Variants in KLHL29 observed in about 807,000 individuals in gnomAD.
KLHL29 encodes kelch-like protein 29.
In KLHL29, 21 loss-of-function variants were observed where a neutral mutation model predicts 80.4. That is an observed-to-expected ratio of 0.26 (90% CI 0.19 to 0.38). KLHL29 has a LOEUF of 0.38. KLHL29 is among the 10% of genes least tolerant of loss of function. The pLI is 1.00. For missense variants in KLHL29, 867 were observed against 1,223.9 expected (o/e 0.71, Z 4.35); for synonymous variants, 511 against 526.8 (o/e 0.97, Z 0.41).
At chr2:23,455,009 G>GC (rs35943241) in intron 1 of KLHL29, among the ~76,000 whole-genome samples, 23 of 96,114 alleles carry the variant, frequency 2.4e-4, no homozygotes, top group East Asian at 1.7e-3. Flanking sequence ...GTTGGGGGGG[G>GC]GGCATTTATT....
intron 1 of KLHL29, among the ~76,000 whole-genome samples, chr2:23,434,343 AAAG>A (rs1371052909): frequency 1.3e-5 from 2 of 151,160 alleles, no homozygotes; most frequent in Non-Finnish European, 3.0e-5. Flanking sequence ...AAAAAAAAAA[AAAG>A]CTAGGCTCCG....
intron 1 of KLHL29, among the ~76,000 whole-genome samples, chr2:23,463,005 G>A (rs1664256766): frequency 6.6e-6 from 1 of 150,382 alleles, no homozygotes; most frequent in African/African-American, 2.4e-5. Context: ...TGTTAATTTA[G>A]AAATATTTCC....
At chr2:23,435,176 A>G (rs1663303379) in intron 1 of KLHL29, among the ~76,000 whole-genome samples, 1 of 152,182 alleles carries the variant, frequency 6.6e-6, no homozygotes. Context: ...GACTGGTGCC[A>G]TGGAGACGGG....
At chr2:23,530,644 G>GT (rs758109168) in intron 2 of KLHL29, among the ~76,000 whole-genome samples, 4 of 152,312 alleles carry the variant, frequency 2.6e-5, no homozygotes, top group Non-Finnish European at 4.4e-5. Context: ...TTTCAATGCA[G>GT]TAAGTAGCAA....
At chr2:23,392,408 T>A (rs1362416354) in intron 1 of KLHL29, among the ~76,000 whole-genome samples, 1 of 152,252 alleles carries the variant, frequency 6.6e-6, no homozygotes, top group African/African-American at 2.4e-5. Flanking sequence ...AACTTTTAAT[T>A]CCATCTTTAG....
At position 23,387,545 on chromosome 2, in the gene KLHL29, T is replaced by G. The variant is rs143870296; in HGVS notation, c.-154+1765T>G. Among the ~76,000 whole-genome samples the G allele has an allele frequency of 5.1e-4, 71 of 139,584 alleles. No homozygotes were observed. In the East Asian group the frequency reaches 1.0e-2, roughly 20 times the overall value. 91.6% of individuals were successfully genotyped at this position (139,584 alleles called of 152,430 possible). ...TTATTATTATTATTATTATTATTATTATGGAAAGAAGGTATAGAGCTTTTT... is the reference window on the plus strand; with the variant it reads ...TTATTATTATTATTATTATTATTATGATGGAAAGAAGGTATAGAGCTTTTT... On this transcript the variant is annotated intron_variant, in intron 1 of 13. Transcript: ENST00000486442.
At chr2:23,480,234 C>T (rs1179237212) in intron 2 of KLHL29, among the ~76,000 whole-genome samples, 1 of 152,244 alleles carries the variant, frequency 6.6e-6, no homozygotes, top group African/African-American at 2.4e-5. Flanking sequence ...CGCCTGTAAT[C>T]CCAGCACTTT....
chr2:23,687,652 A>G (rs1050198117), intron 6 of KLHL29, among the ~76,000 whole-genome samples: 3 of 152,064 alleles, frequency 2.0e-5, no homozygotes, highest in Non-Finnish European at 4.4e-5. Context: ...GCTGTGGGGG[A>G]GGGTCATTCA....
chr2:23,425,838 A>G (rs1572502999), intron 1 of KLHL29, among the ~76,000 whole-genome samples: 2 of 152,326 alleles, frequency 1.3e-5, no homozygotes, highest in East Asian at 3.9e-4. Context: ...TGGAAGGACC[A>G]CAGGACAATA....
intron 3 of KLHL29, among the ~76,000 whole-genome samples, chr2:23,598,911 G>T (rs1015555021): frequency 2.6e-5 from 4 of 152,230 alleles, no homozygotes; most frequent in African/African-American, 9.6e-5. Context: ...AAGGCTGGGG[G>T]TAGAGCAGTG....
intron 4 of KLHL29, among the ~76,000 whole-genome samples, chr2:23,641,440 C>T (rs1013369601): frequency 2.6e-5 from 4 of 152,190 alleles, no homozygotes; most frequent in Admixed American, 1.3e-4. Context: ...CGGCCCCGGG[C>T]TCTAGCGCCC....
intron 3 of KLHL29, among the ~76,000 whole-genome samples, chr2:23,636,639 A>T (rs1350919449): frequency 6.6e-6 from 1 of 152,208 alleles, no homozygotes; most frequent in South Asian, 2.1e-4. Flanking sequence ...GGCAGGGCTG[A>T]GTCTTGGTCA....
At chr2:23,622,866 T>G (rs947767275) in intron 3 of KLHL29, among the ~76,000 whole-genome samples, 1 of 152,176 alleles carries the variant, frequency 6.6e-6, no homozygotes, top group African/African-American at 2.4e-5. Flanking sequence ...TATCTCTGTT[T>G]AAGAGGTGAG....
chr2:23,531,144 A>G (rs1320872818), intron 2 of KLHL29, among the ~76,000 whole-genome samples: 1 of 152,250 alleles, frequency 6.6e-6, no homozygotes, highest in Non-Finnish European at 1.5e-5. Flanking sequence ...CTGGCTGAGA[A>G]GCCTGTCTCC....
At chr2:23,517,974 T>C (rs1558369279) in intron 2 of KLHL29, among the ~76,000 whole-genome samples, 1 of 152,182 alleles carries the variant, frequency 6.6e-6, no homozygotes, top group Non-Finnish European at 1.5e-5. Flanking sequence ...GCTTCAGTGT[T>C]CTCCTCTTCA....
intron 2 of KLHL29, among the ~76,000 whole-genome samples, chr2:23,508,670 G>C (rs1665676402): frequency 6.6e-6 from 1 of 152,250 alleles, no homozygotes; most frequent in African/African-American, 2.4e-5. Context: ...GCATCTTGCA[G>C]ACAAAACCCA....
At chr2:23,539,210 GGT>G (rs1170877996) in intron 2 of KLHL29, among the ~76,000 whole-genome samples, 1 of 64,726 alleles carries the variant, frequency 1.5e-5, no homozygotes, top group Non-Finnish European at 2.6e-5. Flanking sequence ...CACAGCCCTA[GGT>G]GTCTCTGTTA....
chr2:23,448,252 C>G (rs2103419716), intron 1 of KLHL29, among the ~76,000 whole-genome samples: 1 of 152,220 alleles, frequency 6.6e-6, no homozygotes, highest in South Asian at 2.1e-4. Flanking sequence ...CAGCAGGTTT[C>G]TGGATTTACA....
chr2:23,451,721 T>G (rs1306827581), intron 1 of KLHL29, among the ~76,000 whole-genome samples: 1 of 152,198 alleles, frequency 6.6e-6, no homozygotes, highest in East Asian at 1.9e-4. Context: ...GGGTTTAAGT[T>G]AACAGGAATA....
Sources: allele counts gnomAD v4.1 joint callset (sites outside exome capture counted in the v4.1 genomes callset), GRCh38; gene constraint gnomAD v4.1.1; transcripts MANE v1.5; gene names NCBI Gene and HGNC (gene_info 2026-07-23, HGNC 2026-07-21).